ZBTB8OS: variants seen among roughly 807,000 people sequenced by gnomAD.
ZBTB8OS encodes the protein tRNA-splicing ligase-activating factor archease.
A neutral mutation model predicts 29.3 loss-of-function variants in ZBTB8OS; 16 were observed. That is an observed-to-expected ratio of 0.55 (90% CI 0.37 to 0.83). The LOEUF (loss-of-function observed/expected upper bound fraction) is 0.83. Among genes scored for constraint, ZBTB8OS ranks in the 40% least tolerant of loss-of-function variants. ZBTB8OS has a pLI of 0.00. For missense variants in ZBTB8OS, 160 were observed against 196.9 expected, an observed-to-expected ratio of 0.81 and a Z score of 1.12; for synonymous variants, 70 against 64.6, an observed-to-expected ratio of 1.08 and a Z score of -0.40.
chr1:32,633,292 CAGG>C (rs371800214), intron 4 of ZBTB8OS: 33 of 186,544 alleles, frequency 1.8e-4, no homozygotes, highest in East Asian at 1.6e-3. Context: ...AAAATTGAGG[CAGG>C]AGGATTGCCG....
intron 2 of ZBTB8OS, chr1:32,634,556 GTC>G (rs750452583): frequency 3.4e-6 from 2 of 586,764 alleles, no homozygotes; most frequent in South Asian, 2.3e-5. Flanking sequence ...TTGAGATGGG[GTC>G]TCTCTGTCAC....
chr1:32,621,879 CA>C lies in ZBTB8OS; in HGVS notation c.486del (p.Phe162LeufsTer2). The C allele has an allele frequency of 1.3e-6, 2 of 1,538,814 alleles. No individual in the cohort carries two copies. The highest frequency in any genetic ancestry group is 1.2e-5 in the South Asian group (1 of 84,124). ...QVYNEENPEV[F>X]VIIDI ...TTGGTGTCTTAAATGTCAATGATCA[CA>C]AAAACTTCCGGGTTCTCTTCATTAT... On this transcript the variant is annotated frameshift_variant, in exon 7 of 7. Coordinates refer to ENST00000468695, the MANE Select transcript of ZBTB8OS (RefSeq NM_178547.5). LOFTEE classifies it high-confidence loss of function.
rs777597166 is a variant in ZBTB8OS, at chr1:32,650,424, C to A, written c.97+9G>T. On this transcript the variant is annotated intron_variant, in intron 1 of 6. Coordinates refer to ENST00000468695, the MANE Select transcript of ZBTB8OS (RefSeq NM_178547.5). The stretch of plus-strand genomic sequence containing the variant: ...TACATGTAAAGAGAGAAGTAAGCCA[C>A]CTACTCACACTCGTACTTCCTATTG... 1.9e-6 allele frequency: 3 copies of A among 1,614,130 alleles called. No individual in the cohort carries two copies. Among genetic ancestry groups the A allele is most frequent in the Non-Finnish European group, 2.5e-6 (3 of 1,180,000 alleles).
Position 32,627,543 on chromosome 1 carries a change from A to G in ZBTB8OS, c.382T>C (p.Trp128Arg). Residue 128 changes from tryptophan to arginine, a missense_variant and splice_region_variant, in exon 6 of 7, where the codon TGG becomes CGG. Physicochemically the swap from Trp to Arg is moderately radical, Grantham distance 101 (BLOSUM62 -3). Transcript: ENST00000468695. ...TTGGACAATGAAAATTCTTCTCCCC[A>G]CCTTGAGAATACAAATTAAAACATG... ...QRNFKLRSIG[W>R]GEEFSLSKHP... 7 of 1,613,216 alleles carry G rather than the reference A, an allele frequency of 4.3e-6. No individual in the cohort carries two copies. Among genetic ancestry groups the G allele is most frequent in the African/African-American group, 1.3e-5 (1 of 75,014 alleles).
Position 32,621,966 on chromosome 1 carries a change from G to GGA in ZBTB8OS, c.418-19_418-18insTC, listed in dbSNP as rs1644783483. 1.1e-5 allele frequency: 10 copies of GGA among 921,600 alleles called. No homozygotes were observed. The highest frequency in any genetic ancestry group is 3.9e-5 in the Admixed American group (1 of 25,816). 57.1% of individuals were successfully genotyped at this position (921,600 alleles called of 1,614,324 possible). A position where few individuals can be genotyped will look rare whatever the true frequency, so the allele number is the denominator to read the frequency against. On this transcript the variant is annotated intron_variant, in intron 6 of 6. Coordinates refer to ENST00000468695, the MANE Select transcript of ZBTB8OS (RefSeq NM_178547.5). ...TCTGTTCCCTAAAGTTGGGGTTAGA[G>GGA]AAAAAAAAAAAAAAAAGGAAAATAG...
chr1:32,627,873 C>G (rs752034357), intron 5 of ZBTB8OS: 1 of 227,760 alleles, frequency 4.4e-6, no homozygotes, highest in Non-Finnish European at 8.5e-6. Context: ...CATCTGTACA[C>G]AAAATTAAAA....
chr1:32,621,678 G>C lies in ZBTB8OS; in HGVS notation c.*184C>G, dbSNP rs941220756. ...ATTCTTTAAAGTGTGAATATTTGGGGAACACAGACCAAGGCTGTGCCCTGA... is the reference window on the plus strand; with the variant it reads ...ATTCTTTAAAGTGTGAATATTTGGGCAACACAGACCAAGGCTGTGCCCTGA... On this transcript the variant is annotated 3_prime_UTR_variant, in exon 7 of 7. Transcript: ENST00000468695. 2.5e-5 allele frequency: 14 copies of C among 565,930 alleles called. No individual in the cohort carries two copies. Among genetic ancestry groups the C allele is most frequent in the Admixed American group, 3.6e-5 (1 of 27,480 alleles). The allele number at this position is 565,930 out of a possible 1,614,324, so 35.1% of individuals were successfully genotyped here. A position where few individuals can be genotyped will look rare whatever the true frequency, so the allele number is the denominator to read the frequency against.
intron 1 of ZBTB8OS, among the ~76,000 whole-genome samples, chr1:32,636,670 A>G (rs1216740174): frequency 1.3e-5 from 2 of 151,178 alleles, no homozygotes; most frequent in Non-Finnish European, 2.9e-5. Flanking sequence ...AGCCTGGGCA[A>G]CAAGAGCAAA....
intron 5 of ZBTB8OS, among the ~76,000 whole-genome samples, chr1:32,629,752 T>C (rs1392033371): frequency 2.8e-5 from 3 of 107,940 alleles, no homozygotes; most frequent in Admixed American, 9.7e-5. Context: ...CTTGTTTCTT[T>C]TTTTTTTTTT....
chr1:32,636,061 C>T (rs1270491714), intron 1 of ZBTB8OS, among the ~76,000 whole-genome samples: 1 of 152,308 alleles, frequency 6.6e-6, no homozygotes, highest in East Asian at 1.9e-4. Flanking sequence ...CTGCACTCAG[C>T]TGACACCACC....
intron 6 of ZBTB8OS, among the ~76,000 whole-genome samples, chr1:32,623,578 C>T (rs1413629285): frequency 2.0e-5 from 3 of 152,124 alleles, no homozygotes; most frequent in Non-Finnish European, 4.4e-5. Context: ...GTCCCTGGCT[C>T]CCATCAGAAG....
rs369077758 is a variant in ZBTB8OS, at chr1:32,626,667, G to C, written c.417+841C>G. Among the ~76,000 whole-genome samples, 5 of 152,240 alleles carry C rather than the reference G, an allele frequency of 3.3e-5. No homozygotes were observed. The East Asian group carries it at 9.6e-4, about 29-fold the overall frequency. ...AGGTTAAAGTGATTCTCCTGCCTCA[G>C]CCTCCTGAGCAGCTAGGATTACAGG... On this transcript the variant is annotated intron_variant, in intron 6 of 6. Transcript: ENST00000468695.
intron 1 of ZBTB8OS, among the ~76,000 whole-genome samples, chr1:32,647,451 AAG>A (rs1484622895): frequency 6.6e-6 from 1 of 151,554 alleles, no homozygotes; most frequent in Admixed American, 6.6e-5. Context: ...AAAAAAAAAA[AAG>A]AAAAGAAAGA....
chr1:32,629,296 G>T (rs1382808524), intron 5 of ZBTB8OS, among the ~76,000 whole-genome samples: 1 of 151,758 alleles, frequency 6.6e-6, no homozygotes, highest in Non-Finnish European at 1.5e-5. Flanking sequence ...TATGTCTGTT[G>T]TCCTAGCTAG....
rs926437027 is a variant in ZBTB8OS at position 32,634,065 on chromosome 1, C to G, written c.130G>C (p.Ala44Pro). 8.3e-6 allele frequency: 13 copies of G among 1,565,584 alleles called. No individual in the cohort carries two copies. Among genetic ancestry groups the G allele is most frequent in the African/African-American group, 1.4e-5 (1 of 72,346 alleles). The change falls in exon 3 of 7, where the codon GCA becomes CCA. Residue 44 changes from alanine (A) to proline (P), a missense_variant. Physicochemically the swap from Ala to Pro is conservative, Grantham distance 27 (BLOSUM62 -1). Coordinates refer to ENST00000468695, the MANE Select transcript of ZBTB8OS (RefSeq NM_178547.5). ...LDHTADVQLH[A>P]WGDTLEEAFE... ...GCTTCCTCCAGAGTATCTCCCCATG[C>G]GTGTAACCTAAAGAAGTATATTCAT...
intron 1 of ZBTB8OS, among the ~76,000 whole-genome samples, chr1:32,635,356 C>G (rs1645876003): frequency 6.6e-6 from 1 of 151,698 alleles, no homozygotes; most frequent in Admixed American, 6.6e-5. Context: ...ACTGCAGCCT[C>G]TGCCTCCAGG....
intron 6 of ZBTB8OS, among the ~76,000 whole-genome samples, chr1:32,625,465 C>T (rs1278429660): frequency 3.3e-5 from 5 of 150,912 alleles, no homozygotes; most frequent in Non-Finnish European, 5.9e-5. Flanking sequence ...ACCTGGGAGG[C>T]GGAGGTTGCA....
chr1:32,637,747 A>G (rs1646091749), intron 1 of ZBTB8OS, among the ~76,000 whole-genome samples: 1 of 152,140 alleles, frequency 6.6e-6, no homozygotes, highest in South Asian at 2.1e-4. Flanking sequence ...GATTGGATGG[A>G]GTGTTGGTTA....
Position 32,633,627 on chromosome 1 carries a change from AG to A in ZBTB8OS, c.327+17del, listed in dbSNP as rs1300762567. On this transcript the variant is annotated intron_variant, in intron 4 of 6. Transcript: ENST00000468695. ...TAAGAATCCATTTGCTCAGTAAAAA[AG>A]AAAAACCTTTGCTTACCCGGGGTAT... is the stretch of plus-strand genomic sequence containing the variant. 1 of 1,571,616 alleles carries A rather than the reference AG, an allele frequency of 6.4e-7. No homozygotes were observed. Among genetic ancestry groups the A allele is most frequent in the East Asian group, 2.2e-5 (1 of 44,644 alleles).
Sources: gnomAD v4.1 joint callset for allele counts (sites outside exome capture counted in the v4.1 genomes callset) on GRCh38, gnomAD v4.1.1 for gene constraint, MANE v1.5 for transcripts, NCBI Gene and HGNC (gene_info 2026-07-23, HGNC 2026-07-21) for gene names.